Variants in ATAD2 observed in about 807,000 individuals in gnomAD.
ATAD2 encodes ATPase family AAA domain-containing protein 2.
Under a neutral mutation model 168.9 loss-of-function variants are expected in ATAD2, and 62 were observed. The observed-to-expected ratio is 0.37, with a 90% CI of 0.30 to 0.45. ATAD2 has a LOEUF of 0.45. Ranked by LOEUF, ATAD2 falls within the 20% of genes least tolerant of loss-of-function variation. The pLI is 1.00. For missense variants in ATAD2, 1,419 were observed against 1,667.8 expected, an observed-to-expected ratio of 0.85 and a Z score of 2.60; for synonymous variants, 613 against 571.6, an observed-to-expected ratio of 1.07 and a Z score of -1.03.
At chr8:123,324,977 A>G in intron 26 of ATAD2, among the ~76,000 whole-genome samples, 1 of 151,682 alleles carries the variant, frequency 6.6e-6, no homozygotes, top group Non-Finnish European at 1.5e-5. Flanking sequence ...TGGGAGGCTG[A>G]GGTGGGAGGA....
intron 11 of ATAD2, among the ~76,000 whole-genome samples, 197 bp from the exon 12 acceptor site, chr8:123,357,933 A>G (rs1489981070): frequency 6.6e-6 from 1 of 152,238 alleles, no homozygotes; most frequent in Non-Finnish European, 1.5e-5. Context: ...ATTAATATTG[A>G]AACTGTAAAT....
At chr8:123,372,920 T>C (rs536368735) in intron 2 of ATAD2, among the ~76,000 whole-genome samples, 2 of 141,528 alleles carry the variant, frequency 1.4e-5, no homozygotes, top group East Asian at 2.1e-4. Context: ...TGAGACGGAG[T>C]CTTGCTCTGT....
At chr8:123,396,136 G>T in intron 1 of ATAD2, 51 bp downstream of exon 1, 1 of 1,493,304 alleles carries the variant, frequency 6.7e-7, no homozygotes, top group Non-Finnish European at 8.9e-7. Context: ...CCGGGCTGCC[G>T]GCAGTCCCCC....
intron 1 of ATAD2, among the ~76,000 whole-genome samples, chr8:123,384,886 T>C (rs1012319913): frequency 6.6e-6 from 1 of 152,196 alleles, no homozygotes; most frequent in African/African-American, 2.4e-5. Context: ...CTAACAACTC[T>C]ACCCACAAAC....
intron 9 of ATAD2, among the ~76,000 whole-genome samples, chr8:123,360,484 G>A (rs187202722): frequency 9.7e-4 from 148 of 152,196 alleles, no homozygotes; most frequent in African/African-American, 3.4e-3. Context: ...TGGGATTACT[G>A]GTGTGCACCA....
chr8:123,378,784 A>G (rs2129828843), intron 2 of ATAD2, among the ~76,000 whole-genome samples: 1 of 146,800 alleles, frequency 6.8e-6, no homozygotes, highest in South Asian at 2.2e-4. Context: ...CAAATTGTTT[A>G]TTTATGAGAA....
rs1260999278 is a variant in ATAD2, at chr8:123,372,631, A to G, written c.370+6T>C. ...TAAGATCTGAAATGACTTTAACAGT[A>G]CTTACCTTCTCTGTGCTCTTCTTTT... On this transcript the variant is annotated splice_donor_region_variant and intron_variant, in intron 3 of 27. Transcript: ENST00000287394. The G allele has an allele frequency of 7.6e-6, 12 of 1,580,550 alleles. No individual in the cohort carries two copies. The highest frequency in any genetic ancestry group is 9.5e-6 in the Non-Finnish European group (11 of 1,163,182).
intron 1 of ATAD2, among the ~76,000 whole-genome samples, chr8:123,384,714 T>G (rs1174305668): frequency 6.6e-6 from 1 of 152,254 alleles, no homozygotes; most frequent in East Asian, 1.9e-4. Context: ...GTAAGGGAAC[T>G]TCAACCATGT....
At chr8:123,396,638 G>T (rs1812854446), upstream of ATAD2, among the ~76,000 whole-genome samples, 1 of 152,258 alleles carries the variant, frequency 6.6e-6, no homozygotes, top group African/African-American at 2.4e-5. Context: ...GAGAGTCCTG[G>T]GGAAAACGCT....
intron 22 of ATAD2, among the ~76,000 whole-genome samples, chr8:123,336,099 T>C (rs1055369843): frequency 6.6e-6 from 1 of 152,178 alleles, no homozygotes; most frequent in Non-Finnish European, 1.5e-5. Context: ...TTGTGTCTCA[T>C]TAGAGGATCT....
chr8:123,387,106 G>A (rs1829665963), intron 1 of ATAD2, among the ~76,000 whole-genome samples: 1 of 151,966 alleles, frequency 6.6e-6, no homozygotes, highest in Non-Finnish European at 1.5e-5. Context: ...TAATCTCTTG[G>A]TGCAAAAACC....
Position 123,320,269 on chromosome 8 carries a change from T to G in ATAD2, c.*865A>C, listed in dbSNP as rs936130369. On this transcript the variant is annotated 3_prime_UTR_variant, in exon 28 of 28. Coordinates refer to ENST00000287394, the MANE Select transcript of ATAD2 (RefSeq NM_014109.4). ...CACTCTCCCCAAAAGCAAGTATGCA[T>G]GGAAGTGCATGCTTTTAACCTTAAG... The G allele has an allele frequency of 6.6e-6, 1 of 151,962 alleles. No homozygotes were observed. The allele number at this position is 151,962 out of a possible 1,614,324, so 9.4% of individuals were successfully genotyped here.
chr8:123,411,766 A>T (rs1177384226), intron 1 of ATAD2, among the ~76,000 whole-genome samples: 1 of 152,194 alleles, frequency 6.6e-6, no homozygotes, highest in Non-Finnish European at 1.5e-5. Context: ...TGCAACTGCA[A>T]AAATAAATAA....
intron 2 of ATAD2, among the ~76,000 whole-genome samples, chr8:123,373,046 T>C (rs1829195528): frequency 6.6e-6 from 1 of 151,824 alleles, no homozygotes; most frequent in African/African-American, 2.4e-5. Flanking sequence ...GCTCCTGTCA[T>C]CTCGCCCGGC....
At chr8:123,343,458 T>C (rs1828128641) in intron 19 of ATAD2, among the ~76,000 whole-genome samples, 1 of 152,210 alleles carries the variant, frequency 6.6e-6, no homozygotes, top group South Asian at 2.1e-4. Context: ...TACACGTTTT[T>C]GTGTATCTTA....
chr8:123,344,818 G>A (rs762561988), intron 19 of ATAD2, 66 bp downstream of exon 19: 3 of 1,523,896 alleles, frequency 2.0e-6, no homozygotes, highest in Non-Finnish European at 1.8e-6. Context: ...TTTTCAATAA[G>A]TTATGATTAT....
At chr8:123,392,475 GTCTC>G (rs1371071088) in intron 1 of ATAD2, among the ~76,000 whole-genome samples, 2 of 151,970 alleles carry the variant, frequency 1.3e-5, no homozygotes, top group African/African-American at 4.8e-5. Context: ...ATTTATTTAA[GTCTC>G]TGTGCATCAG....
intron 8 of ATAD2, among the ~76,000 whole-genome samples, chr8:123,362,303 A>T (rs1216741042): frequency 4.3e-5 from 6 of 138,020 alleles, no homozygotes; most frequent in African/African-American, 1.9e-4. Flanking sequence ...CTCTATCTAA[A>T]AAAAAAAAAA....
At position 123,346,623 on chromosome 8, in the gene ATAD2, C is replaced by A; in HGVS notation, c.2340G>T (p.Leu780Phe). 1 of 1,555,596 alleles carries A rather than the reference C, an allele frequency of 6.4e-7. No individual in the cohort carries two copies. Among genetic ancestry groups the A allele is most frequent in the South Asian group, 1.2e-5 (1 of 80,372 alleles). ...GATTTGCAAGAAAAATATACCTATT[C>A]AAATGAAGAAAATTAAAATTGTCTT... ...KAKDNFNFLH[L>F]NRNACYQPMS... Residue 780 changes from leucine (L) to phenylalanine (F), a missense_variant, in exon 17 of 28, where the codon TTG becomes TTT. This residue lies in a region of ATAD2 where 545 missense variants were observed against 724.9 expected (regional missense o/e 0.75). Transcript: ENST00000287394.
Sources: gnomAD v4.1 joint callset for allele counts (sites outside exome capture counted in the v4.1 genomes callset) on GRCh38, gnomAD v4.1.1 for gene constraint, gnomAD v4.1.1 regional missense constraint, MANE v1.5 for transcripts, NCBI Gene and HGNC (gene_info 2026-07-23, HGNC 2026-07-21) for gene names.